C8orf34: variants seen among roughly 807,000 people sequenced by gnomAD.
C8orf34 encodes uncharacterized protein C8orf34.
In C8orf34, 65 loss-of-function variants were observed where a neutral mutation model predicts 68.3. The observed-to-expected ratio is 0.95, with a 90% CI of 0.78 to 1.17. The LOEUF (loss-of-function observed/expected upper bound fraction) is 1.17. C8orf34 is among the 50% of genes most tolerant of loss of function. The pLI is 0.00. For missense variants in C8orf34, 664 were observed against 655.4 expected (o/e 1.01, Z -0.14); for synonymous variants, 244 against 241.2 (o/e 1.01, Z -0.11).
chr8:68,724,242 G>C (rs1821763086), intron 10 of C8orf34, among the ~76,000 whole-genome samples: 1 of 152,112 alleles, frequency 6.6e-6, no homozygotes, highest in African/African-American at 2.4e-5. Flanking sequence ...GAAGAAAATT[G>C]TGATTTTATC....
intron 1 of C8orf34, among the ~76,000 whole-genome samples, chr8:68,414,330 G>T (rs1159318437): frequency 3.3e-5 from 5 of 152,138 alleles, no homozygotes; most frequent in African/African-American, 1.2e-4. Context: ...ATTATGAGAT[G>T]AGAGACTACT....
chr8:68,665,781 T>G (rs1044466889), intron 8 of C8orf34, among the ~76,000 whole-genome samples: 4 of 152,080 alleles, frequency 2.6e-5, no homozygotes, highest in African/African-American at 9.7e-5. Flanking sequence ...CCTGTTACAC[T>G]CCTTCTCTTT....
At chr8:68,602,620 T>C (rs1005938257) in intron 7 of C8orf34, among the ~76,000 whole-genome samples, 7 of 152,030 alleles carry the variant, frequency 4.6e-5, no homozygotes, top group African/African-American at 1.7e-4. Flanking sequence ...CAAGATGAGA[T>C]TTGGGTGGGG....
chr8:68,571,789 C>T (rs963813497), intron 7 of C8orf34, among the ~76,000 whole-genome samples: 11 of 152,106 alleles, frequency 7.2e-5, no homozygotes, highest in Non-Finnish European at 1.0e-4. Context: ...AATATGAACA[C>T]GGTGACTGAG....
At chr8:68,685,045 A>G (rs1456281196) in intron 8 of C8orf34, among the ~76,000 whole-genome samples, 1 of 152,140 alleles carries the variant, frequency 6.6e-6, no homozygotes, top group Non-Finnish European at 1.5e-5. Context: ...TCAAGGAAAT[A>G]AAAAATTTGT....
intron 7 of C8orf34, among the ~76,000 whole-genome samples, chr8:68,572,221 G>A (rs2130275455): frequency 1.4e-5 from 2 of 145,762 alleles, no homozygotes; most frequent in African/African-American, 5.5e-5. Flanking sequence ...TGGATGTGGT[G>A]CATGACTGTA....
intron 3 of C8orf34, among the ~76,000 whole-genome samples, chr8:68,466,751 A>ATG (rs1220378300): frequency 2.2e-5 from 1 of 44,816 alleles, no homozygotes; most frequent in African/African-American, 5.8e-5. Flanking sequence ...ATATATATAT[A>ATG]TATATATATA....
At chr8:68,732,051 G>T (rs1356729619) in intron 10 of C8orf34, among the ~76,000 whole-genome samples, 1 of 152,194 alleles carries the variant, frequency 6.6e-6, no homozygotes, top group Non-Finnish European at 1.5e-5. Flanking sequence ...AAGGTGTTGG[G>T]ACACACTGGT....
intron 5 of C8orf34, among the ~76,000 whole-genome samples, chr8:68,496,624 T>C (rs1435712679): frequency 6.6e-6 from 1 of 152,200 alleles, no homozygotes; most frequent in East Asian, 1.9e-4. Context: ...AGTACACCCA[T>C]GGAAGGGGCA....
chr8:68,395,371 A>T (rs1171229786), intron 1 of C8orf34, among the ~76,000 whole-genome samples: 14 of 33,420 alleles, frequency 4.2e-4, no homozygotes, highest in Middle Eastern at 0.017. Context: ...TCACACACAC[A>T]CACACACACA....
At position 68,468,758 on chromosome 8, in the gene C8orf34, A is replaced by G; in HGVS notation, c.674A>G (p.Glu225Gly). Reference sequence around the variant, plus strand: ...AAACCACAAAGCCGTGATTTTGATGAATTGAATCACATCCTTCAGGAGAGC... The same window carrying G: ...AAACCACAAAGCCGTGATTTTGATGGATTGAATCACATCCTTCAGGAGAGC... Reference protein sequence around the residue: ...RTKPQSRDFDELNHILQESKK... With the variant: ...RTKPQSRDFDGLNHILQESKK... Residue 225 changes from glutamate to glycine, a missense_variant, in exon 4 of 14, where the codon GAA becomes GGA. Transcript: ENST00000518698. 6.2e-7 allele frequency: 1 copy of G among 1,612,830 alleles called. No individual in the cohort carries two copies. The highest frequency in any genetic ancestry group is 8.5e-7 in the Non-Finnish European group (1 of 1,179,240).
At chr8:68,790,976 GTCT>G (rs1823979226) in intron 12 of C8orf34, 2 of 610,928 alleles carry the variant, frequency 3.3e-6, no homozygotes, top group East Asian at 2.8e-5. Flanking sequence ...TAAACTTTGG[GTCT>G]TCTTTTTCTA....
intron 1 of C8orf34, among the ~76,000 whole-genome samples, chr8:68,403,724 T>C (rs1178077251): frequency 6.6e-6 from 1 of 152,204 alleles, no homozygotes; most frequent in Non-Finnish European, 1.5e-5. Context: ...TCATCTTTTT[T>C]ATGGCTGCAT....
At chr8:68,496,182 G>A (rs1813513813) in intron 5 of C8orf34, among the ~76,000 whole-genome samples, 3 of 152,082 alleles carry the variant, frequency 2.0e-5, no homozygotes, top group South Asian at 4.1e-4. Context: ...GCTTTACCAC[G>A]CAAGATAAAT....
chr8:68,587,607 A>G (rs931492362), intron 7 of C8orf34, among the ~76,000 whole-genome samples: 1 of 152,148 alleles, frequency 6.6e-6, no homozygotes, highest in Non-Finnish European at 1.5e-5. Context: ...TTAATAAAAT[A>G]AAACTAAGAA....
At chr8:68,472,265 A>G (rs539483532) in intron 4 of C8orf34, among the ~76,000 whole-genome samples, 1 of 152,160 alleles carries the variant, frequency 6.6e-6, no homozygotes, top group Non-Finnish European at 1.5e-5. Flanking sequence ...CTTTCCTCAA[A>G]CATTACTTTT....
chr8:68,464,035 A>G (rs909227480), intron 3 of C8orf34, among the ~76,000 whole-genome samples: 4 of 152,232 alleles, frequency 2.6e-5, no homozygotes, highest in Non-Finnish European at 5.9e-5. Flanking sequence ...TTGTATATCT[A>G]GAAAACCCCA....
intron 3 of C8orf34, among the ~76,000 whole-genome samples, chr8:68,452,113 C>A (rs1297981773): frequency 6.6e-6 from 1 of 151,920 alleles, no homozygotes; most frequent in Admixed American, 6.6e-5. Flanking sequence ...TTTATCCATT[C>A]ATCTGCTGAT....
chr8:68,685,919 TA>T (rs1284204257), intron 8 of C8orf34, among the ~76,000 whole-genome samples: 4 of 145,966 alleles, frequency 2.7e-5, no homozygotes, highest in African/African-American at 5.0e-5. Context: ...AATAAATAAA[TA>T]AATGCTGATC....
Sources: allele counts gnomAD v4.1 joint callset (sites outside exome capture counted in the v4.1 genomes callset), GRCh38; gene constraint gnomAD v4.1.1; transcripts MANE v1.5; gene names NCBI Gene and HGNC (gene_info 2026-07-23, HGNC 2026-07-21).